UGGT2: variants seen among roughly 807,000 people sequenced by gnomAD.
UGGT2 encodes UDP-glucose:glycoprotein glucosyltransferase 2.
Under a neutral mutation model 192.1 loss-of-function variants are expected in UGGT2, and 180 were observed. That is an observed-to-expected ratio of 0.94 (90% CI 0.83 to 1.06). The LOEUF (loss-of-function observed/expected upper bound fraction) is 1.06, where lower values mean the gene tolerates loss of function less well. Ranked by LOEUF, UGGT2 falls within the 50% of genes least tolerant of loss-of-function variation. UGGT2 has a pLI of 0.00. For synonymous variants in UGGT2, 580 were observed against 591.0 expected, an observed-to-expected ratio of 0.98 and a Z score of 0.27; for missense variants, 1,849 against 1,795.7, an observed-to-expected ratio of 1.03 and a Z score of -0.54.
intron 1 of UGGT2, among the ~76,000 whole-genome samples, chr13:96,047,662 CA>C (rs2053356847): frequency 6.6e-6 from 1 of 151,148 alleles, no homozygotes; most frequent in South Asian, 2.1e-4. Flanking sequence ...AAATGGGAAA[CA>C]AAAAAAAGCA....
At chr13:95,952,457 T>C (rs1395898175) in intron 12 of UGGT2, among the ~76,000 whole-genome samples, 1 of 152,218 alleles carries the variant, frequency 6.6e-6, no homozygotes, top group Non-Finnish European at 1.5e-5. Flanking sequence ...CATCCTTCCA[T>C]ATACCTTAAA....
At chr13:95,974,650 G>T (rs2050880320) in intron 10 of UGGT2, among the ~76,000 whole-genome samples, 1 of 152,126 alleles carries the variant, frequency 6.6e-6, no homozygotes, top group Non-Finnish European at 1.5e-5. Context: ...CTTAAGTCCT[G>T]AAAAACTAGT....
chr13:95,840,418 T>C (rs933856452), intron 36 of UGGT2, among the ~76,000 whole-genome samples: 1 of 152,198 alleles, frequency 6.6e-6, no homozygotes, highest in African/African-American at 2.4e-5. Flanking sequence ...AAGACACTTA[T>C]GCGACCAACA....
intron 12 of UGGT2, 107 bp from the exon 13 acceptor site, chr13:95,949,561 T>C (rs2049992096): frequency 8.8e-7 from 1 of 1,130,248 alleles, no homozygotes; most frequent in African/African-American, 1.6e-5. Context: ...TAGAATTTTC[T>C]ATATTTCTGA....
In UGGT2 at chr13:96,023,741, T is replaced by C. The variant is rs1311109996; in HGVS notation, c.260A>G (p.Tyr87Cys). The change falls in exon 3 of 39, where the codon TAC becomes TGC. Residue 87 changes from tyrosine to cysteine, a missense_variant. By Grantham distance (194) the Tyr-to-Cys change is radical. Transcript: ENST00000376747. Reference sequence around the variant, plus strand: ...TCCAGCTTTCTTCAGGATTAAGTTGTAATAAGAATAATCTGATTCTATAAA... The same window carrying C: ...TCCAGCTTTCTTCAGGATTAAGTTGCAATAAGAATAATCTGATTCTATAAA... ...YKQTESDYSYYNLILKKAGQF... is the reference protein window; with the variant it reads ...YKQTESDYSYCNLILKKAGQF... 4.4e-6 allele frequency: 7 copies of C among 1,600,600 alleles called. 1 individual carries two copies. In the South Asian group the frequency reaches 7.8e-5, roughly 18 times the overall value.
intron 22 of UGGT2, among the ~76,000 whole-genome samples, 190 bp downstream of exon 22, chr13:95,900,617 G>T (rs2048076835): frequency 6.6e-6 from 1 of 152,068 alleles, no homozygotes; most frequent in Non-Finnish European, 1.5e-5. Flanking sequence ...TTAAATGGGG[G>T]AAAGAATGAA....
intron 1 of UGGT2, among the ~76,000 whole-genome samples, chr13:96,045,853 A>T (rs1246066071): frequency 1.3e-5 from 2 of 152,202 alleles, no homozygotes. Flanking sequence ...AAACAAATGG[A>T]ACCATACCCC....
intron 5 of UGGT2, among the ~76,000 whole-genome samples, chr13:96,010,468 C>G (rs536632681): frequency 2.6e-4 from 40 of 152,044 alleles, no homozygotes; most frequent in Middle Eastern, 6.8e-3. Context: ...AGTAGAAGAC[C>G]AAATGCTTTC....
intron 12 of UGGT2, among the ~76,000 whole-genome samples, chr13:95,969,434 T>C (rs1204723592): frequency 2.0e-5 from 3 of 152,082 alleles, no homozygotes; most frequent in Non-Finnish European, 4.4e-5. Context: ...TAACACAACA[T>C]GTAGATTTAA....
chr13:95,990,252 T>A, intron 7 of UGGT2, 179 bp from the exon 8 acceptor site: 1 of 370,908 alleles, frequency 2.7e-6, no homozygotes, highest in East Asian at 4.3e-5. Context: ...ATGAGGAAGA[T>A]ATACAGGTCT....
At chr13:95,966,291 C>T (rs1016325866) in intron 12 of UGGT2, among the ~76,000 whole-genome samples, 2 of 152,048 alleles carry the variant, frequency 1.3e-5, no homozygotes, top group African/African-American at 4.8e-5. Flanking sequence ...AAGCCAGATA[C>T]AGAAAGACCA....
chr13:95,974,770 C>A (rs901572842), intron 10 of UGGT2, among the ~76,000 whole-genome samples: 3 of 152,096 alleles, frequency 2.0e-5, no homozygotes, highest in Non-Finnish European at 4.4e-5. Flanking sequence ...CTAAAAGTAT[C>A]AAAATGCTAG....
At chr13:95,903,430 T>C (rs549232970) in intron 20 of UGGT2, among the ~76,000 whole-genome samples, 1 of 152,260 alleles carries the variant, frequency 6.6e-6, no homozygotes, top group South Asian at 2.1e-4. Flanking sequence ...ATTCCGCAGA[T>C]CTCTGTCAAT....
intron 19 of UGGT2, among the ~76,000 whole-genome samples, chr13:95,926,285 C>T (rs545882876): frequency 6.6e-6 from 1 of 152,216 alleles, no homozygotes; most frequent in South Asian, 2.1e-4. Context: ...ACAGCATTTA[C>T]AAGAACTGGT....
At chr13:96,038,704 C>A (rs2053077389) in intron 1 of UGGT2, among the ~76,000 whole-genome samples, 1 of 151,240 alleles carries the variant, frequency 6.6e-6, no homozygotes, top group Non-Finnish European at 1.5e-5. Flanking sequence ...TAAAAGCTGC[C>A]CTTTTTTTGT....
chr13:96,007,916 A>C (rs1002829119), intron 5 of UGGT2, among the ~76,000 whole-genome samples: 1 of 152,310 alleles, frequency 6.6e-6, no homozygotes, highest in Middle Eastern at 3.4e-3. Context: ...TCTTCGACAA[A>C]CATGCCAGGA....
intron 37 of UGGT2, among the ~76,000 whole-genome samples, 173 bp downstream of exon 37, chr13:95,836,913 G>T (rs979891883): frequency 3.3e-5 from 5 of 152,138 alleles, no homozygotes; most frequent in African/African-American, 9.7e-5. Flanking sequence ...GGGTGGTCTT[G>T]GGGGCCCCCA....
At chr13:95,917,803 G>A (rs1371304543) in intron 20 of UGGT2, among the ~76,000 whole-genome samples, 1 of 151,622 alleles carries the variant, frequency 6.6e-6, no homozygotes, top group African/African-American at 2.4e-5. Context: ...AAAAAAGAAT[G>A]TTACATAATT....
rs1050081538 is a variant in UGGT2, at chr13:95,872,383, T to A, written c.3473+4896A>T. Among the ~76,000 whole-genome samples, 5 of 152,234 alleles carry A rather than the reference T, an allele frequency of 3.3e-5. No homozygotes were observed. The East Asian group carries it at 9.6e-4, about 29-fold the overall frequency. ...AAATAATTTAGCCATGGCTTTAAAA[T>A]CTGAACTTAGAAACTCATATCAATA... is the stretch of plus-strand genomic sequence containing the variant. On this transcript the variant is annotated intron_variant, in intron 29 of 38. Transcript: ENST00000376747.
Sources: gnomAD v4.1 joint callset for allele counts (sites outside exome capture counted in the v4.1 genomes callset) on GRCh38, gnomAD v4.1.1 for gene constraint, MANE v1.5 for transcripts, NCBI Gene and HGNC (gene_info 2026-07-23, HGNC 2026-07-21) for gene names.